LSMEM2: variants seen among roughly 807,000 people sequenced by gnomAD.
The protein encoded by LSMEM2 is leucine rich single-pass membrane protein 2, also known as leucine-rich single-pass membrane protein 2.
LSMEM2 carries 20 observed loss-of-function variants against 17.3 expected under a neutral mutation model. The ratio of observed to expected loss-of-function variants is 1.16; its 90% CI spans 0.81 to 1.68. LSMEM2 has a LOEUF of 1.68. Ranked by LOEUF, LSMEM2 falls within the 40% of genes most tolerant of loss-of-function variation. LSMEM2 has a pLI of 0.00. For synonymous variants in LSMEM2, 94 were observed against 97.8 expected, an observed-to-expected ratio of 0.96 and a Z score of 0.23; for missense variants, 207 against 214.3, an observed-to-expected ratio of 0.97 and a Z score of 0.21.
intron 3 of LSMEM2, 79 bp from the exon 4 acceptor site, chr3:50,286,990 C>G: frequency 6.3e-7 from 1 of 1,595,500 alleles, no homozygotes; most frequent in Non-Finnish European, 8.6e-7. Context: ...AGGCCCGTGG[C>G]TGCCCCTGGT....
intron 1 of LSMEM2, among the ~76,000 whole-genome samples, chr3:50,281,197 A>G (rs1553707725): frequency 1.3e-5 from 2 of 150,968 alleles, no homozygotes; most frequent in Admixed American, 6.6e-5. Flanking sequence ...CTGGGACTAC[A>G]GGCGCCAGCC....
intron 1 of LSMEM2, among the ~76,000 whole-genome samples, chr3:50,279,599 C>A (rs925786635): frequency 2.6e-5 from 4 of 152,198 alleles, no homozygotes; most frequent in African/African-American, 9.6e-5. Flanking sequence ...CCTCTGGCCT[C>A]CCCTGACTTG....
At chr3:50,280,687 G>A (rs1384269450) in intron 1 of LSMEM2, among the ~76,000 whole-genome samples, 3 of 150,984 alleles carry the variant, frequency 2.0e-5, no homozygotes, top group Admixed American at 6.6e-5. Context: ...TCCGCCTTCC[G>A]GGTTCACGCC....
chr3:50,285,990 G>T (rs1317353267), intron 1 of LSMEM2, among the ~76,000 whole-genome samples: 1 of 152,180 alleles, frequency 6.6e-6, no homozygotes, highest in Non-Finnish European at 1.5e-5. Context: ...AAAACAGCAG[G>T]GTTCACACAT....
In LSMEM2 at chr3:50,287,226, G is replaced by T. The variant is rs78474197; in HGVS notation, c.*24G>T. ...GAGATGCCATTTGGATCTGGGGCCT[G>T]GGGGTGTGTGTTGGTGGGGGAATAA... On this transcript the variant is annotated 3_prime_UTR_variant, in exon 4 of 4. Coordinates refer to ENST00000316436, the MANE Select transcript of LSMEM2 (RefSeq NM_153215.3). The T allele has an allele frequency of 6.2e-7, 1 of 1,613,486 alleles. No homozygotes were observed. The highest frequency in any genetic ancestry group is 8.5e-7 in the Non-Finnish European group (1 of 1,179,760).
intron 1 of LSMEM2, among the ~76,000 whole-genome samples, chr3:50,281,338 G>A (rs1336978921): frequency 1.4e-5 from 2 of 147,484 alleles, no homozygotes; most frequent in Non-Finnish European, 3.0e-5. Flanking sequence ...GGGATTACAG[G>A]CATGGGCCAC....
At chr3:50,282,118 C>T (rs1701414522) in intron 1 of LSMEM2, among the ~76,000 whole-genome samples, 1 of 152,282 alleles carries the variant, frequency 6.6e-6, no homozygotes, top group South Asian at 2.1e-4. Flanking sequence ...TCCCAAAGTG[C>T]TGGGATTACA....
chr3:50,282,601 T>C (rs1437127036), intron 1 of LSMEM2, among the ~76,000 whole-genome samples: 2 of 152,148 alleles, frequency 1.3e-5, no homozygotes, highest in Non-Finnish European at 2.9e-5. Context: ...TAATTAAATA[T>C]TGGCCAGGTA....
intron 1 of LSMEM2, among the ~76,000 whole-genome samples, chr3:50,280,553 T>G (rs1553707633): frequency 6.6e-6 from 1 of 151,508 alleles, no homozygotes; most frequent in Non-Finnish European, 1.5e-5. Context: ...CTTGAACTCC[T>G]GGCCTCAACC....
intron 1 of LSMEM2, among the ~76,000 whole-genome samples, chr3:50,280,829 G>A (rs1701378480): frequency 6.6e-6 from 1 of 151,866 alleles, no homozygotes; most frequent in African/African-American, 2.4e-5. Context: ...TTCTGACCTC[G>A]TGATCCACCC....
At chr3:50,277,985 T>G (rs1701316470), upstream of LSMEM2, among the ~76,000 whole-genome samples, 1 of 151,744 alleles carries the variant, frequency 6.6e-6, no homozygotes, top group African/African-American at 2.4e-5. Flanking sequence ...GAAAACTGGG[T>G]GATGTGGAAA....
intron 1 of LSMEM2, among the ~76,000 whole-genome samples, chr3:50,284,167 C>T (rs1386890448): frequency 1.4e-5 from 2 of 140,632 alleles, no homozygotes; most frequent in African/African-American, 2.6e-5. Context: ...GATCGCACCA[C>T]TGCACTCCAG....
chr3:50,285,011 G>A (rs1186443711), intron 1 of LSMEM2, among the ~76,000 whole-genome samples: 2 of 151,254 alleles, frequency 1.3e-5, no homozygotes, highest in South Asian at 4.2e-4. Context: ...ACTCCAGCCT[G>A]GGCAACAGAG....
rs1484342466 is a variant in LSMEM2 at position 50,286,782 on chromosome 3, G to A, written c.281G>A (p.Arg94Lys). The A allele has an allele frequency of 6.2e-7, 1 of 1,614,184 alleles. No individual in the cohort carries two copies. The highest frequency in any genetic ancestry group is 1.1e-5 in the South Asian group (1 of 91,090). Residue 94 changes from arginine (R) to lysine (K), a missense_variant, in exon 3 of 4, where the codon AGA becomes AAA. Transcript: ENST00000316436. ...CAQAGCSPVY[R>K]RGGFLLLLAL... is the part of the protein sequence containing the mutation. ...CAGGCTGGCTGCAGCCCTGTGTACA[G>A]ACGAGGAGGGTTCCTGCTGCTGCTC...
Position 50,288,075 on chromosome 3 carries a change from T to G in LSMEM2, c.*873T>G. The G allele has an allele frequency of 9.9e-7, 1 of 1,007,608 alleles. No homozygotes were observed. Among genetic ancestry groups the G allele is most frequent in the Non-Finnish European group, 1.5e-6 (1 of 665,922 alleles). 62.4% of individuals were successfully genotyped at this position (1,007,608 alleles called of 1,614,324 possible). A position where few individuals can be genotyped will look rare whatever the true frequency, so the allele number is the denominator to read the frequency against. On this transcript the variant is annotated 3_prime_UTR_variant, in exon 4 of 4. Transcript: ENST00000316436. ...CTACCCACCCCATGTCTGTTTTTGG[T>G]TTTGTCATTAAAAAAAATAAAGTGA...
At chr3:50,277,948 C>A (rs587645534), upstream of LSMEM2, among the ~76,000 whole-genome samples, 1 of 152,236 alleles carries the variant, frequency 6.6e-6, no homozygotes, top group Non-Finnish European at 1.5e-5. Context: ...GCCTGGGCAA[C>A]AGAGCGAGAC....
At chr3:50,285,912 GGA>G (rs1701509122) in intron 1 of LSMEM2, among the ~76,000 whole-genome samples, 2 of 152,184 alleles carry the variant, frequency 1.3e-5, no homozygotes, top group Admixed American at 6.5e-5. Context: ...ATGTGTGAAG[GGA>G]GAGACCTCAG....
Position 50,286,795 on chromosome 3 carries a change from CCTG to C in LSMEM2, c.303_305del (p.Leu102del), listed in dbSNP as rs1310303465. ...GCCCTGTGTACAGACGAGGAGGGTT[CCTG>C]CTGCTGCTCGCGCTGCTGGTGCTCA... On this transcript the variant is annotated inframe_deletion, in exon 3 of 4. Coordinates refer to ENST00000316436, the MANE Select transcript of LSMEM2 (RefSeq NM_153215.3). The C allele has an allele frequency of 8.7e-6, 14 of 1,614,048 alleles. No individual in the cohort carries two copies. In the Admixed American group the frequency reaches 1.5e-4, roughly 17 times the overall value.
intron 1 of LSMEM2, among the ~76,000 whole-genome samples, chr3:50,280,616 T>A (rs1455083967): frequency 1.0e-4 from 15 of 147,160 alleles, no homozygotes; most frequent in African/African-American, 3.3e-4. Flanking sequence ...TTTTTTGAGA[T>A]GGAGTCTCGC....
Sources: allele counts gnomAD v4.1 joint callset (sites outside exome capture counted in the v4.1 genomes callset), GRCh38; gene constraint gnomAD v4.1.1; transcripts MANE v1.5; gene names NCBI Gene and HGNC (gene_info 2026-07-23, HGNC 2026-07-21).